The following UNC79 variants were observed in gnomAD, a reference collection of about 807,000 sequenced individuals.
The protein encoded by UNC79 is protein unc-79 homolog.
A neutral mutation model predicts 283.1 loss-of-function variants in UNC79; 37 were observed. That is an observed-to-expected ratio of 0.13 (90% CI 0.10 to 0.17). The LOEUF (loss-of-function observed/expected upper bound fraction) is 0.17, where lower values mean the gene tolerates loss of function less well. UNC79 is among the 10% of genes least tolerant of loss of function. UNC79 has a pLI of 1.00. For synonymous variants in UNC79, 1,107 were observed against 1,200.2 expected, an observed-to-expected ratio of 0.92 and a Z score of 1.61; for missense variants, 2,272 against 3,211.1, an observed-to-expected ratio of 0.71 and a Z score of 7.07.
At chr14:93,706,841 G>A in exon 49 of UNC79, 2 of 1,614,216 alleles carry the variant, frequency 1.2e-6, no homozygotes, top group Non-Finnish European at 1.7e-6. Context: ...AGTGCACTCA[G>A]TTCAAAATGG....
intron 26 of UNC79, among the ~76,000 whole-genome samples, chr14:93,608,417 G>T (rs1410313238): frequency 6.6e-6 from 1 of 152,172 alleles, no homozygotes; most frequent in Non-Finnish European, 1.5e-5. Flanking sequence ...GGCTTGATTG[G>T]TGGATGAGAC....
chr14:93,456,257 G>A (rs1478579614), intron 1 of UNC79, among the ~76,000 whole-genome samples: 1 of 151,898 alleles, frequency 6.6e-6, no homozygotes, highest in Non-Finnish European at 1.5e-5. Context: ...GGACTTATTT[G>A]TTAATGTTGA....
intron 1 of UNC79, among the ~76,000 whole-genome samples, chr14:93,412,170 T>C (rs1435080582): frequency 6.6e-6 from 1 of 152,174 alleles, no homozygotes; most frequent in East Asian, 1.9e-4. Flanking sequence ...AGTCTTTTAA[T>C]AGCAGAATTG....
chr14:93,375,857 A>G (rs1039330712), intron 1 of UNC79, among the ~76,000 whole-genome samples: 5 of 152,196 alleles, frequency 3.3e-5, no homozygotes, highest in Non-Finnish European at 5.9e-5. Context: ...ACAATTTGAC[A>G]TGAGATTTGG....
intron 1 of UNC79, among the ~76,000 whole-genome samples, chr14:93,346,590 C>T (rs139259338): frequency 1.1e-4 from 16 of 152,154 alleles, no homozygotes; most frequent in Non-Finnish European, 2.2e-4. Flanking sequence ...TATCATCAGC[C>T]GACTATAGAA....
Position 93,653,725 on chromosome 14 carries a change from C to T in UNC79, c.6084-17C>T, listed in dbSNP as rs2070577342. The T allele has an allele frequency of 6.2e-7, 1 of 1,606,540 alleles. No individual in the cohort carries two copies. Among genetic ancestry groups the T allele is most frequent in the Non-Finnish European group, 8.5e-7 (1 of 1,174,736 alleles). On this transcript the variant is annotated splice_polypyrimidine_tract_variant and intron_variant, in intron 35 of 48. Transcript: ENST00000555664. The stretch of plus-strand genomic sequence containing the variant: ...TGGCCCATGACTTCGTGTCTTTTCT[C>T]CCCTGTTCAACTCCAGCATGATGGT...
intron 14 of UNC79, among the ~76,000 whole-genome samples, chr14:93,559,149 T>C (rs948489340): frequency 3.9e-5 from 6 of 152,230 alleles, no homozygotes; most frequent in African/African-American, 1.2e-4. Context: ...TGTGCTGTGC[T>C]GGAGTATAAA....
chr14:93,562,797 A>G (rs541427099), intron 14 of UNC79, among the ~76,000 whole-genome samples: 17 of 152,266 alleles, frequency 1.1e-4, no homozygotes, highest in Non-Finnish European at 2.2e-4. Context: ...GCCTCTACCC[A>G]TCCAGTGAAA....
chr14:93,411,497 C>A (rs1448684390), intron 1 of UNC79, among the ~76,000 whole-genome samples: 3 of 152,196 alleles, frequency 2.0e-5, no homozygotes, highest in Non-Finnish European at 4.4e-5. Context: ...GGGTTGAGGC[C>A]CAGTGCTGTG....
At chr14:93,443,993 G>T (rs1224531652) in intron 1 of UNC79, among the ~76,000 whole-genome samples, 1 of 152,182 alleles carries the variant, frequency 6.6e-6, no homozygotes, top group African/African-American at 2.4e-5. Flanking sequence ...TATGGTTAAT[G>T]AATGTTTACC....
At chr14:93,594,223 C>T (rs1440131414) in intron 23 of UNC79, among the ~76,000 whole-genome samples, 4 of 151,970 alleles carry the variant, frequency 2.6e-5, no homozygotes, top group African/African-American at 7.3e-5. Flanking sequence ...CTAGAGCTAC[C>T]GAATCAGAAT....
At chr14:93,533,805 T>C (rs2060938113) in intron 11 of UNC79, among the ~76,000 whole-genome samples, 1 of 152,240 alleles carries the variant, frequency 6.6e-6, no homozygotes, top group African/African-American at 2.4e-5. Flanking sequence ...TATGGTCACA[T>C]TTAATCTACC....
chr14:93,474,971 A>T lies in UNC79; in HGVS notation c.448+578A>T, dbSNP rs953100312. 1.3e-5 allele frequency among the ~76,000 whole-genome samples: 2 copies of T among 152,228 alleles called. No individual in the cohort carries two copies. The highest frequency in any genetic ancestry group is 4.8e-5 in the African/African-American group (2 of 41,458). Reference sequence around the variant, plus strand: ...AGTATATAGTGGCGCTGTATGCTGTATTCAGCATATGGTATTAGTGGTGCT... The same window carrying T: ...AGTATATAGTGGCGCTGTATGCTGTTTTCAGCATATGGTATTAGTGGTGCT... On this transcript the variant is annotated intron_variant, in intron 3 of 48. Transcript: ENST00000555664. This position sits in a 1 kb window ranked among gnomAD's most constrained non-coding sequence, Gnocchi z 4.1.
intron 1 of UNC79, among the ~76,000 whole-genome samples, chr14:93,449,767 A>G (rs1032274563): frequency 6.6e-6 from 1 of 152,194 alleles, no homozygotes; most frequent in Non-Finnish European, 1.5e-5. Flanking sequence ...TGTTTGGGTA[A>G]TAACATCATC....
At position 93,688,530 on chromosome 14, in the gene UNC79, TGAA is replaced by T; in HGVS notation, c.6910-130_6910-128del. ...TATCCTAAGAACAATGGGAAGGCTC[TGAA>T]GAAGTTTAAGCAGGTTGTTTGCTCA... On this transcript the variant is annotated intron_variant, in intron 43 of 48. Coordinates refer to ENST00000555664, the Ensembl canonical transcript of UNC79. This position sits in a 1 kb window ranked among gnomAD's most constrained non-coding sequence, Gnocchi z 4.0. 4 of 941,328 alleles carry T rather than the reference TGAA, an allele frequency of 4.2e-6. No individual in the cohort carries two copies. Among genetic ancestry groups the T allele is most frequent in the Non-Finnish European group, 6.2e-6 (4 of 641,250 alleles). The allele number at this position is 941,328 out of a possible 1,614,324, so 58.3% of individuals were successfully genotyped here.
chr14:93,368,445 G>T (rs2054376476), intron 1 of UNC79, among the ~76,000 whole-genome samples: 1 of 152,022 alleles, frequency 6.6e-6, no homozygotes, highest in Admixed American at 6.6e-5. Flanking sequence ...ACAATAAAAT[G>T]ACAAAAATGA....
At chr14:93,355,661 A>G (rs2054072071) in intron 1 of UNC79, among the ~76,000 whole-genome samples, 1 of 152,118 alleles carries the variant, frequency 6.6e-6, no homozygotes, top group South Asian at 2.1e-4. Context: ...TACATTTTTA[A>G]CTTCTCTTAC....
chr14:93,575,313 T>C, intron 17 of UNC79, 115 bp downstream of exon 17: 1 of 1,287,516 alleles, frequency 7.8e-7, no homozygotes, highest in Non-Finnish European at 1.1e-6. Context: ...TTTCAGCCCA[T>C]CTCGCTGTGT....
chr14:93,555,761 C>T (rs1349477915), intron 14 of UNC79, among the ~76,000 whole-genome samples: 1 of 152,146 alleles, frequency 6.6e-6, no homozygotes, highest in Non-Finnish European at 1.5e-5. Flanking sequence ...TATCTGTTCT[C>T]TGCCCTAAAT....
Sources: gnomAD v4.1 joint callset for allele counts (sites outside exome capture counted in the v4.1 genomes callset) on GRCh38, gnomAD v4.1.1 for gene constraint, Gnocchi (gnomAD v3.1) non-coding constraint, MANE v1.5 for transcripts, NCBI Gene and HGNC (gene_info 2026-07-23, HGNC 2026-07-21) for gene names.